The following PHKA2 variants were observed in gnomAD, a reference collection of about 807,000 sequenced individuals.
PHKA2 encodes the protein phosphorylase b kinase regulatory subunit alpha, liver isoform.
PHKA2 carries 31 observed loss-of-function variants against 102.0 expected under a neutral mutation model. That is an observed-to-expected ratio of 0.30 (90% CI 0.23 to 0.41). The LOEUF is 0.41. Among genes scored for constraint, PHKA2 ranks in the 10% least tolerant of loss-of-function variants. The pLI is 1.00. For synonymous variants in PHKA2, 455 were observed against 416.2 expected (o/e 1.09, Z -1.13); for missense variants, 858 against 1,023.1 (o/e 0.84, Z 2.20).
chrX:18,952,146 C>T (rs1601777625), intron 3 of PHKA2, among the ~76,000 whole-genome samples: 1 of 82,741 alleles, frequency 1.2e-5, no homozygotes. Context: ...CCCAGGTGTT[C>T]AAGACCAGCC....
At chrX:18,898,400 G>C (rs1569291103) in intron 29 of PHKA2, among the ~76,000 whole-genome samples, 1 of 112,937 alleles carries the variant, frequency 8.9e-6, no homozygotes, top group East Asian at 2.8e-4. Context: ...TTCTAGCTTC[G>C]AGACCTCCAG....
chrX:18,906,597 C>T lies in PHKA2; in HGVS notation c.2704G>A (p.Val902Ile), dbSNP rs751796380. Reference sequence around the variant, plus strand: ...ACAAAGAGGCTGGGCTGCGCCCTGACATACATGGCCAGGTAAACCACAATC... The same window carrying T: ...ACAAAGAGGCTGGGCTGCGCCCTGATATACATGGCCAGGTAAACCACAATC... ...QEIVVYLAMY[V>I]RAQPSLFVEM... Residue 902 changes from valine to isoleucine, a missense_variant, in exon 25 of 33, where the codon GTC (valine) becomes ATC (isoleucine). Physicochemically the swap from Val to Ile is conservative, Grantham distance 29. Around this residue, in one of 2 missense-constraint regions of PHKA2, gnomAD observed 671 missense variants for 745.2 expected, o/e 0.90. Transcript: ENST00000379942. The T allele has an allele frequency of 1.7e-6, 2 of 1,198,536 alleles. No individual in the cohort carries two copies. The highest frequency in any genetic ancestry group is 3.5e-5 in the South Asian group (2 of 56,766).
chrX:18,903,295 G>C lies in PHKA2; in HGVS notation c.2909-1692C>G, dbSNP rs141030839. ...GTCAACAATATACCCAATCCTATTT[G>C]TATTAATATTTTTCTAAAGGGTTCG... On this transcript the variant is annotated intron_variant, in intron 26 of 32. Coordinates refer to ENST00000379942, the MANE Select transcript of PHKA2 (RefSeq NM_000292.3). Among the ~76,000 whole-genome samples, 1,033 of 112,400 alleles carry C rather than the reference G, an allele frequency of 9.2e-3. 20 individuals carry two copies. Among genetic ancestry groups the C allele is most frequent in the Admixed American group, 0.068 (727 of 10,677 alleles).
At chrX:18,976,428 T>G (rs1277661131) in intron 1 of PHKA2, among the ~76,000 whole-genome samples, 1 of 111,930 alleles carries the variant, frequency 8.9e-6, no homozygotes, top group Non-Finnish European at 1.9e-5. Flanking sequence ...TTCTTAACAC[T>G]GGTAACCTTT....
intron 4 of PHKA2, among the ~76,000 whole-genome samples, chrX:18,950,699 G>A (rs984858210): frequency 2.7e-5 from 3 of 113,004 alleles, no homozygotes; most frequent in African/African-American, 9.6e-5. Flanking sequence ...TGGCCAATGT[G>A]ATGGTATTAA....
chrX:18,974,471 A>T (rs1371476024), intron 1 of PHKA2, among the ~76,000 whole-genome samples: 1 of 111,863 alleles, frequency 8.9e-6, no homozygotes, highest in East Asian at 2.8e-4. Context: ...TACTCATCTG[A>T]TTACTTCCTC....
intron 25 of PHKA2, 120 bp from the exon 26 acceptor site, chrX:18,905,979 C>G (rs2047804090): frequency 1.9e-6 from 1 of 532,969 alleles, no homozygotes; most frequent in East Asian, 3.4e-5. Flanking sequence ...TCCCCCTGTT[C>G]AGGAGAACCT....
At chrX:18,945,787 A>G (rs2048567413) in intron 5 of PHKA2, among the ~76,000 whole-genome samples, 1 of 111,881 alleles carries the variant, frequency 8.9e-6, no homozygotes, top group Admixed American at 9.5e-5. Context: ...TCATATTTTC[A>G]TTAAAAAATC....
rs41304737 is a variant in PHKA2, at chrX:18,938,605, G to A, written c.1041+22C>T. On this transcript the variant is annotated intron_variant, in intron 10 of 32. Transcript: ENST00000379942. Reference sequence around the variant, plus strand: ...CAGTGGAATGAAAATAATTATCAACGTAACACCCAGCATTTTCTCACCTGA... The same window carrying A: ...CAGTGGAATGAAAATAATTATCAACATAACACCCAGCATTTTCTCACCTGA... 15,483 of 1,187,087 alleles carry A rather than the reference G, an allele frequency of 0.013. 140 individuals are homozygous for A. Among genetic ancestry groups the A allele is most frequent in the African/African-American group, 0.061 (3,445 of 56,826 alleles).
chrX:18,909,302 C>T, intron 20 of PHKA2, among the ~76,000 whole-genome samples: 1 of 112,297 alleles, frequency 8.9e-6, no homozygotes, highest in African/African-American at 3.2e-5. Flanking sequence ...TCCAGGTATA[C>T]TGGCTTGGTG....
In PHKA2 at chrX:18,900,665, G is replaced by T; in HGVS notation, c.3057+5C>A. The T allele has an allele frequency of 8.3e-7, 1 of 1,204,582 alleles. No homozygotes were observed. The highest frequency in any genetic ancestry group is 1.1e-6 in the Non-Finnish European group (1 of 889,055). ...TAAAGGACGAACAAGGCAAAGGGGT[G>T]TCACCTGTTCATCAGCACTAAACCG... On this transcript the variant is annotated splice_donor_5th_base_variant and intron_variant, in intron 28 of 32. Transcript: ENST00000379942.
chrX:18,899,092 G>A (rs1232709676), intron 29 of PHKA2, 81 bp downstream of exon 29: 1 of 839,758 alleles, frequency 1.2e-6, no homozygotes. Flanking sequence ...CGAATCCTCA[G>A]AAGTTGGGCA....
intron 1 of PHKA2, among the ~76,000 whole-genome samples, chrX:18,957,142 G>A (rs1356795844): frequency 8.9e-6 from 1 of 112,714 alleles, no homozygotes; most frequent in Admixed American, 9.4e-5. Flanking sequence ...GACCTCAGGT[G>A]ATTTTCCGGC....
intron 27 of PHKA2, 109 bp downstream of exon 27, chrX:18,901,376 C>G: frequency 3.5e-6 from 2 of 569,897 alleles, no homozygotes; most frequent in Non-Finnish European, 3.2e-6. Flanking sequence ...ACCTCCCACT[C>G]TACAGACAGT....
chrX:18,901,625 G>A (rs745936052), intron 26 of PHKA2, 22 bp from the exon 27 acceptor site: 68 of 1,038,610 alleles, frequency 6.5e-5, no homozygotes, highest in Non-Finnish European at 8.8e-5. Context: ...ACACACACAC[G>A]TGGTTCTCAG....
At chrX:18,893,881 A>T (rs186346402) in intron 32 of PHKA2, among the ~76,000 whole-genome samples, 25 of 112,237 alleles carry the variant, frequency 2.2e-4, no homozygotes, top group African/African-American at 7.1e-4. Context: ...CACGCACCCT[A>T]GTTTGTAGCT....
At chrX:18,895,628 AGCACATGCACAGACAT>A (rs1007662460) in intron 30 of PHKA2, 10 of 180,323 alleles carry the variant, frequency 5.5e-5, no homozygotes, top group East Asian at 1.3e-4. Context: ...AAAAGCCTCC[AGCACATGCACAGACAT>A]GCACATGCAC....
In PHKA2 at chrX:18,893,569, A is replaced by C. The variant is rs1249361314; in HGVS notation, c.3624T>G (p.Ala1208=). 4.1e-6 allele frequency: 5 copies of C among 1,209,829 alleles called. No individual in the cohort carries two copies. The Admixed American group carries it at 6.5e-5, about 16-fold the overall frequency. The change falls in exon 33 of 33, where the codon GCT becomes GCG. Residue 1208 remains alanine (A), a synonymous_variant. Transcript: ENST00000379942. ...TTGTTAGGTAGGTCATCGTCCCATA[A>C]GCCCCACTCGGAGCGCTGTCATAAA... ...HFFYDSAPSG[A]YGTMTYLTRA...
chrX:18,902,200 A>G (rs886083157), intron 26 of PHKA2, among the ~76,000 whole-genome samples: 1 of 109,392 alleles, frequency 9.1e-6, no homozygotes, highest in African/African-American at 3.3e-5. Flanking sequence ...GGAGTGTGCG[A>G]TCTTGGCTCA....
Sources: allele counts gnomAD v4.1 joint callset (sites outside exome capture counted in the v4.1 genomes callset), GRCh38; gene constraint gnomAD v4.1.1; regional missense constraint gnomAD v4.1.1; transcripts MANE v1.5; gene names NCBI Gene and HGNC (gene_info 2026-07-23, HGNC 2026-07-21).